The following IQSEC3 variants were observed in gnomAD, a reference collection of about 807,000 sequenced individuals.
The protein encoded by IQSEC3 is IQ motif and SEC7 domain-containing protein 3.
In IQSEC3, 50 loss-of-function variants were observed where a neutral mutation model predicts 105.4. The observed-to-expected ratio is 0.47, with a 90% confidence interval of 0.38 to 0.60. IQSEC3 has a LOEUF of 0.60. IQSEC3 is among the 20% of genes least tolerant of loss of function. The pLI is 0.00. For synonymous variants in IQSEC3, 708 were observed against 746.0 expected, an observed-to-expected ratio of 0.95 and a Z score of 0.83; for missense variants, 1,415 against 1,630.0, an observed-to-expected ratio of 0.87 and a Z score of 2.27.
Position 175,225 on chromosome 12 carries a change from C to T in IQSEC3, c.*192C>T. ...ATCCTTCCCTTTCTCAGCTGCACCC[C>T]CTCTGCAGATCTGAAGACACACCTC... On this transcript the variant is annotated 3_prime_UTR_variant, in exon 14 of 14. Coordinates refer to ENST00000538872, the MANE Select transcript of IQSEC3 (RefSeq NM_001170738.2). The T allele has an allele frequency of 1.8e-6, 1 of 569,516 alleles. No individual in the cohort carries two copies. Among genetic ancestry groups the T allele is most frequent in the Admixed American group, 3.2e-5 (1 of 31,606 alleles). The allele number at this position is 569,516 out of a possible 1,614,324, so 35.3% of individuals were successfully genotyped here.
intron 3 of IQSEC3, among the ~76,000 whole-genome samples, chr12:129,781 C>T (rs1348136996): frequency 5.3e-5 from 8 of 152,092 alleles, no homozygotes; most frequent in African/African-American, 1.2e-4. Context: ...CTCCCCGAGC[C>T]GGGTCCTGGA....
chr12:70,606 T>C (rs1272284735), intron 1 of IQSEC3, among the ~76,000 whole-genome samples: 1 of 152,282 alleles, frequency 6.6e-6, no homozygotes, highest in Non-Finnish European at 1.5e-5. Context: ...ATCCCTTTCC[T>C]GGCTGGTGCC....
intron 1 of IQSEC3, among the ~76,000 whole-genome samples, chr12:89,995 G>A (rs1393256683): frequency 6.6e-6 from 1 of 152,224 alleles, no homozygotes; most frequent in Non-Finnish European, 1.5e-5. Flanking sequence ...GAAACTGCAA[G>A]ACTGTTTTCC....
At chr12:153,294 CAG>C (rs1241286807) in intron 5 of IQSEC3, among the ~76,000 whole-genome samples, 2 of 152,128 alleles carry the variant, frequency 1.3e-5, no homozygotes, top group South Asian at 2.1e-4. Flanking sequence ...GGAACGCAAA[CAG>C]TGATCAGTGA....
intron 4 of IQSEC3, 140 bp downstream of exon 4, chr12:139,494 G>T: frequency 1.7e-6 from 1 of 602,878 alleles, no homozygotes; most frequent in Admixed American, 3.2e-5. Flanking sequence ...GCGCATCTGT[G>T]CCGTGCCTGA....
chr12:145,496 T>C (rs1325810396), intron 5 of IQSEC3, among the ~76,000 whole-genome samples: 1 of 152,164 alleles, frequency 6.6e-6, no homozygotes, highest in East Asian at 1.9e-4. Context: ...CGCCATCCCA[T>C]TCCCCGCGCA....
At chr12:92,248 G>T (rs1864111056) in intron 1 of IQSEC3, among the ~76,000 whole-genome samples, 1 of 152,240 alleles carries the variant, frequency 6.6e-6, no homozygotes, top group South Asian at 2.1e-4. Flanking sequence ...ACATGGCCCA[G>T]TCTCAGTTCT....
At chr12:77,988 G>GGGC (rs1863606969) in intron 1 of IQSEC3, among the ~76,000 whole-genome samples, 1 of 151,788 alleles carries the variant, frequency 6.6e-6, no homozygotes, top group Non-Finnish European at 1.5e-5. Flanking sequence ...TTCCTCGCGG[G>GGGC]GGCGGCGGCG....
chr12:104,304 T>C (rs1017532051), intron 2 of IQSEC3, among the ~76,000 whole-genome samples: 1 of 152,182 alleles, frequency 6.6e-6, no homozygotes, highest in African/African-American at 2.4e-5. Flanking sequence ...TTCAAAGAGC[T>C]GCTGCTAGAA....
intron 3 of IQSEC3, among the ~76,000 whole-genome samples, chr12:126,472 G>T (rs1353367596): frequency 6.6e-6 from 1 of 152,062 alleles, no homozygotes; most frequent in Non-Finnish European, 1.5e-5. Flanking sequence ...GTGGCCAATT[G>T]TGGGGCCCCC....
At chr12:121,311 A>G (rs143123681) in intron 2 of IQSEC3, among the ~76,000 whole-genome samples, 9 of 152,356 alleles carry the variant, frequency 5.9e-5, no homozygotes, top group Non-Finnish European at 1.2e-4. Flanking sequence ...TCCTTCCACT[A>G]TGACAGCCTA....
At chr12:84,892 C>A (rs1322588707) in intron 1 of IQSEC3, among the ~76,000 whole-genome samples, 1 of 152,072 alleles carries the variant, frequency 6.6e-6, no homozygotes, top group Non-Finnish European at 1.5e-5. Context: ...CACTCACAGC[C>A]CAGAGGCCAC....
Position 138,825 on chromosome 12 carries a change from G to T in IQSEC3, c.1462G>T (p.Val488Phe). The T allele has an allele frequency of 6.2e-7, 1 of 1,611,232 alleles. No homozygotes were observed. The highest frequency in any genetic ancestry group is 8.5e-7 in the Non-Finnish European group (1 of 1,179,228). ...SGTLMMAFRD[V>F]TVQIANQNIS... ...GACCCTCATGATGGCTTTCCGGGAC[G>T]TCACGGTGCAGATCGCCAACCAGAA... The change falls in exon 4 of 14, where the codon GTC becomes TTC. Residue 488 changes from valine (V) to phenylalanine (F), a missense_variant. Physicochemically the swap from Val to Phe is conservative, Grantham distance 50. Around this residue, in one of 6 missense-constraint regions of IQSEC3, gnomAD observed 720 missense variants for 633.0 expected, o/e 1.14. Transcript: ENST00000538872. The surrounding 1 kb of genome is among the most constrained non-coding windows in gnomAD (Gnocchi z 7.1).
At chr12:137,453 A>G (rs1865811957) in intron 3 of IQSEC3, 1 of 152,084 alleles carries the variant, frequency 6.6e-6, no homozygotes. Flanking sequence ...TAGAAACGAC[A>G]GTGTTATAAA....
At chr12:140,062 C>T (rs79601093) in intron 4 of IQSEC3, among the ~76,000 whole-genome samples, 4 of 152,170 alleles carry the variant, frequency 2.6e-5, no homozygotes, top group Non-Finnish European at 4.4e-5. Context: ...ATCCTCCACT[C>T]GCCCCTTCAT....
At position 175,926 on chromosome 12, in the gene IQSEC3, G is replaced by T. The variant is rs1367108074; in HGVS notation, c.*893G>T. The T allele has an allele frequency of 6.6e-6, 1 of 152,240 alleles. No homozygotes were observed. The highest frequency in any genetic ancestry group is 1.5e-5 in the Non-Finnish European group (1 of 68,082). 9.4% of individuals were successfully genotyped at this position (152,240 alleles called of 1,614,324 possible). Reference sequence around the variant, plus strand: ...CTTCCGCTGTGGAAGCAGAACTGGAGACGGGGCAGGAATGTGCCCAGCAGA... The same window carrying T: ...CTTCCGCTGTGGAAGCAGAACTGGATACGGGGCAGGAATGTGCCCAGCAGA... On this transcript the variant is annotated 3_prime_UTR_variant, in exon 14 of 14. Coordinates refer to ENST00000538872, the MANE Select transcript of IQSEC3 (RefSeq NM_001170738.2).
In IQSEC3 at chr12:171,079, G is replaced by A. The variant is rs1555100084; in HGVS notation, c.3065-33G>A. 6 of 1,612,478 alleles carry A rather than the reference G, an allele frequency of 3.7e-6. No individual in the cohort carries two copies. The South Asian group carries it at 4.4e-5, about 12-fold the overall frequency. On this transcript the variant is annotated intron_variant, in intron 12 of 13. Transcript: ENST00000538872. Reference sequence around the variant, plus strand: ...GGGGCAGGGGCTTGGCTCAGCCGGTGGAGAATGAGCCCTGTGCTCTTTGCA... The same window carrying A: ...GGGGCAGGGGCTTGGCTCAGCCGGTAGAGAATGAGCCCTGTGCTCTTTGCA...
intron 5 of IQSEC3, among the ~76,000 whole-genome samples, chr12:146,075 T>C (rs1866254935): frequency 6.6e-6 from 1 of 152,218 alleles, no homozygotes; most frequent in South Asian, 2.1e-4. Context: ...TTTATTTCCA[T>C]GGAAATATGT....
intron 2 of IQSEC3, among the ~76,000 whole-genome samples, chr12:116,555 G>C (rs527296124): frequency 2.0e-3 from 305 of 152,336 alleles, no homozygotes; most frequent in African/African-American, 7.1e-3. Flanking sequence ...ACTCCATTTT[G>C]TTTTCTAAAA....
Sources: gnomAD v4.1 joint callset for allele counts (sites outside exome capture counted in the v4.1 genomes callset) on GRCh38, gnomAD v4.1.1 for gene constraint, gnomAD v4.1.1 regional missense constraint, Gnocchi (gnomAD v3.1) non-coding constraint, MANE v1.5 for transcripts, NCBI Gene and HGNC (gene_info 2026-07-23, HGNC 2026-07-21) for gene names.